DNAH11: variants seen among roughly 807,000 people sequenced by gnomAD.
The protein encoded by DNAH11 is axonemal beta dynein heavy chain 11.
In DNAH11, 442 loss-of-function variants were observed where a neutral mutation model predicts 526.0. That is an observed-to-expected ratio of 0.84 (90% confidence interval 0.78 to 0.91). The LOEUF is 0.91. Among genes scored for constraint, DNAH11 ranks in the 40% least tolerant of loss-of-function variants. The probability of loss-of-function intolerance (pLI) is 0.00; values close to 1 mark genes in which losing one functional copy is unlikely to be tolerated. For synonymous variants in DNAH11, 2,461 were observed against 1,935.9 expected (o/e 1.27, Z -7.12); for missense variants, 6,989 against 5,448.7 (o/e 1.28, Z -8.90).
intron 25 of DNAH11, among the ~76,000 whole-genome samples, chr7:21,623,866 A>G (rs901325030): frequency 6.6e-6 from 1 of 151,890 alleles, no homozygotes; most frequent in African/African-American, 2.4e-5. Flanking sequence ...CCTAATGCTA[A>G]ATGACGAGTT....
At chr7:21,711,930 T>A (rs1040915496) in intron 42 of DNAH11, 70 bp downstream of exon 42, 2 of 1,533,118 alleles carry the variant, frequency 1.3e-6, no homozygotes, top group African/African-American at 2.8e-5. Context: ...TCATAATTTT[T>A]GCTTAAGCAC....
At chr7:21,652,806 T>C (rs1781841786) in intron 28 of DNAH11, among the ~76,000 whole-genome samples, 1 of 152,222 alleles carries the variant, frequency 6.6e-6, no homozygotes, top group African/African-American at 2.4e-5. Flanking sequence ...TAAAAAATGA[T>C]TTGAGGTGCT....
Position 21,873,315 on chromosome 7 carries a change from G to T in DNAH11, c.12009G>T (p.Lys4003Asn). The change falls in exon 74 of 82, where the codon AAG becomes AAT. Residue 4003 changes from lysine (K) to asparagine (N), a missense_variant. Physicochemically the swap from Lys to Asn is moderately conservative, Grantham distance 94. Coordinates refer to ENST00000409508, the MANE Select transcript of DNAH11 (RefSeq NM_001277115.2). Reference protein sequence around the residue: ...LVAKWLGTLEKLLERFSQGSH... With the variant: ...LVAKWLGTLENLLERFSQGSH... ...CCAAGTGGCTAGGAACCTTGGAGAA[G>T]CTCCTTGAAAGATTCAGCCAAGGAA... is the stretch of plus-strand genomic sequence containing the variant. 1 of 1,607,492 alleles carries T rather than the reference G, an allele frequency of 6.2e-7. No homozygotes were observed. The highest frequency in any genetic ancestry group is 8.5e-7 in the Non-Finnish European group (1 of 1,176,702).
chr7:21,881,623 A>G (rs186787494), intron 75 of DNAH11, among the ~76,000 whole-genome samples: 7 of 152,342 alleles, frequency 4.6e-5, no homozygotes, highest in Admixed American at 3.3e-4. Flanking sequence ...CGTTAAGACT[A>G]GGATACATGT....
rs567400434 is a variant in DNAH11, at chr7:21,743,934, C to T, written c.8155-504C>T. ...AGTGAGTGCGTGTGAATCTAAGATACTGAAAGCACCATGAGTGAGCAAGGG... is the reference window on the plus strand; with the variant it reads ...AGTGAGTGCGTGTGAATCTAAGATATTGAAAGCACCATGAGTGAGCAAGGG... On this transcript the variant is annotated intron_variant, in intron 49 of 81. Transcript: ENST00000409508. 3.5e-4 allele frequency among the ~76,000 whole-genome samples: 54 copies of T among 152,282 alleles called. 1 individual carries two copies. The highest frequency in any genetic ancestry group is 5.9e-4 in the Non-Finnish European group (40 of 68,032).
intron 79 of DNAH11, among the ~76,000 whole-genome samples, chr7:21,895,305 CCT>C (rs763147680): frequency 2.6e-4 from 40 of 151,910 alleles, no homozygotes; most frequent in South Asian, 2.1e-4. Flanking sequence ...AATAGAATCC[CCT>C]GAGTTGTTGT....
intron 2 of DNAH11, among the ~76,000 whole-genome samples, chr7:21,554,459 G>A (rs1238961428): frequency 6.6e-6 from 1 of 152,108 alleles, no homozygotes; most frequent in Non-Finnish European, 1.5e-5. Context: ...ATAGGCATGA[G>A]CCCTGCACCT....
chr7:21,720,975 C>G (rs551032590), intron 44 of DNAH11, 119 bp downstream of exon 44: 6 of 1,267,776 alleles, frequency 4.7e-6, no homozygotes, highest in Non-Finnish European at 6.3e-6. Flanking sequence ...ACTGCTTGCC[C>G]TGTTCTCTCC....
intron 24 of DNAH11, among the ~76,000 whole-genome samples, chr7:21,619,506 C>A (rs1398559289): frequency 2.0e-5 from 3 of 152,060 alleles, no homozygotes. Flanking sequence ...TTTATATTAA[C>A]CCATTTAATC....
chr7:21,797,324 G>A (rs56227440), intron 61 of DNAH11, among the ~76,000 whole-genome samples: 11,237 of 148,496 alleles, frequency 0.076, 555 homozygotes, highest in Middle Eastern at 0.11. Context: ...GGTTCAAGCA[G>A]TTCTCCTGCC....
At chr7:21,869,236 C>T (rs1336950532) in intron 73 of DNAH11, among the ~76,000 whole-genome samples, 1 of 152,202 alleles carries the variant, frequency 6.6e-6, no homozygotes, top group African/African-American at 2.4e-5. Flanking sequence ...TTAGGAAGAA[C>T]TTCGTCGTTC....
intron 9 of DNAH11, among the ~76,000 whole-genome samples, chr7:21,586,393 A>C (rs780720677): frequency 6.6e-6 from 1 of 152,258 alleles, no homozygotes; most frequent in African/African-American, 2.4e-5. Flanking sequence ...AAGAAAGTTA[A>C]TCATTTACAT....
chr7:21,674,564 T>C (rs551058474), intron 30 of DNAH11, among the ~76,000 whole-genome samples: 1 of 152,292 alleles, frequency 6.6e-6, no homozygotes, highest in Non-Finnish European at 1.5e-5. Flanking sequence ...GGTTTCGCCA[T>C]GTTGACCAGG....
intron 67 of DNAH11, 65 bp downstream of exon 67, chr7:21,852,696 G>A: frequency 6.7e-7 from 1 of 1,484,648 alleles, no homozygotes; most frequent in Non-Finnish European, 9.0e-7. Flanking sequence ...TGTGGGGTGG[G>A]CAGTGTGATC....
intron 68 of DNAH11, among the ~76,000 whole-genome samples, chr7:21,857,272 G>T (rs1562587434): frequency 6.6e-6 from 1 of 152,028 alleles, no homozygotes; most frequent in East Asian, 1.9e-4. Flanking sequence ...ATATATGCAA[G>T]GTTTGTATTC....
Position 21,892,457 on chromosome 7 carries a change from T to C in DNAH11, c.12540T>C (p.Phe4180=). 6.2e-7 allele frequency: 1 copy of C among 1,612,458 alleles called. No individual in the cohort carries two copies. The highest frequency in any genetic ancestry group is 8.5e-7 in the Non-Finnish European group (1 of 1,178,728). Residue 4180 remains phenylalanine, a synonymous_variant, in exon 77 of 82, where the codon TTT becomes TTC. Coordinates refer to ENST00000409508, the MANE Select transcript of DNAH11 (RefSeq NM_001277115.2). ...ATGAACTGATGCTGGCACCAGGTTT[T>C]GCTGCCCCACCCTACCTAGATTATG... ...TEDELMLAPG[F]AAPPYLDYAG...
intron 45 of DNAH11, among the ~76,000 whole-genome samples, chr7:21,730,971 C>T (rs373540718): frequency 7.4e-4 from 112 of 152,152 alleles, no homozygotes; most frequent in African/African-American, 2.5e-3. Context: ...TGGCGAAACC[C>T]GGTCTCTACT....
At chr7:21,897,027 A>G (rs998219224) in intron 79 of DNAH11, among the ~76,000 whole-genome samples, 4 of 152,202 alleles carry the variant, frequency 2.6e-5, no homozygotes, top group Non-Finnish European at 5.9e-5. Context: ...ATGAGCCATG[A>G]TCATGCCACT....
chr7:21,875,249 T>A (rs1353055995), intron 74 of DNAH11, among the ~76,000 whole-genome samples: 3 of 152,198 alleles, frequency 2.0e-5, no homozygotes, highest in Non-Finnish European at 4.4e-5. Context: ...AATTTCTGGC[T>A]ATTTATGACA....
Sources: allele counts gnomAD v4.1 joint callset (sites outside exome capture counted in the v4.1 genomes callset), GRCh38; gene constraint gnomAD v4.1.1; transcripts MANE v1.5; gene names NCBI Gene and HGNC (gene_info 2026-07-23, HGNC 2026-07-21).